TOM1L2: variants seen among roughly 807,000 people sequenced by gnomAD.
TOM1L2 encodes TOM1-like protein 2.
TOM1L2 carries 31 observed loss-of-function variants against 67.9 expected under a neutral mutation model. The observed-to-expected ratio is 0.46, with a 90% confidence interval of 0.34 to 0.62. The LOEUF (loss-of-function observed/expected upper bound fraction) is 0.62. TOM1L2 is among the 20% of genes least tolerant of loss of function. TOM1L2 has a pLI of 0.01. For missense variants in TOM1L2, 606 were observed against 663.5 expected, an observed-to-expected ratio of 0.91 and a Z score of 0.95; for synonymous variants, 256 against 254.0, an observed-to-expected ratio of 1.01 and a Z score of -0.07.
chr17:17,879,469 T>C (rs1464149942), intron 7 of TOM1L2, among the ~76,000 whole-genome samples, 158 bp downstream of exon 7: 2 of 152,138 alleles, frequency 1.3e-5, no homozygotes, highest in Non-Finnish European at 2.9e-5. Flanking sequence ...TGCCTGTCCG[T>C]AGGCAACGTG....
At chr17:17,866,797 T>G in intron 9 of TOM1L2, 79 bp downstream of exon 9, 1 of 1,350,782 alleles carries the variant, frequency 7.4e-7, no homozygotes, top group Non-Finnish European at 1.1e-6. Context: ...TTAGAAAAAC[T>G]GGAGGTCTCT....
chr17:17,964,818 C>T (rs562149653), intron 1 of TOM1L2, among the ~76,000 whole-genome samples: 10 of 152,312 alleles, frequency 6.6e-5, no homozygotes, highest in African/African-American at 2.4e-4. Context: ...TAGCCCACTC[C>T]TAAGCAGTGG....
At chr17:17,918,061 AT>A (rs1001718969) in intron 1 of TOM1L2, among the ~76,000 whole-genome samples, 1 of 151,944 alleles carries the variant, frequency 6.6e-6, no homozygotes, top group African/African-American at 2.4e-5. Context: ...TCGGTGCACA[AT>A]TTTTTGCTGC....
chr17:17,849,244 G>A (rs561017368), intron 13 of TOM1L2, among the ~76,000 whole-genome samples: 224 of 152,346 alleles, frequency 1.5e-3, no homozygotes, highest in Admixed American at 4.9e-3. Context: ...GGCTGAGCCT[G>A]AGCACACACA....
chr17:17,897,922 CT>C (rs35600233), intron 3 of TOM1L2, among the ~76,000 whole-genome samples: 235 of 133,620 alleles, frequency 1.8e-3, no homozygotes, highest in East Asian at 4.1e-3. Flanking sequence ...TGGAAGTTAA[CT>C]TTTTTTTTTT....
chr17:17,857,709 C>A, intron 12 of TOM1L2: 1 of 1,400,860 alleles, frequency 7.1e-7, no homozygotes, highest in Non-Finnish European at 9.8e-7. Context: ...AAGACATGAG[C>A]TGTTACACAG....
At chr17:17,847,886 T>A in intron 14 of TOM1L2, 103 bp from the exon 15 acceptor site, 1 of 1,513,194 alleles carries the variant, frequency 6.6e-7, no homozygotes, top group Non-Finnish European at 9.1e-7. Flanking sequence ...AGGGCAGGCA[T>A]GAAGCCCACC....
chr17:17,972,240 C>A (rs1215108426), intron 1 of TOM1L2, 22 bp downstream of exon 1: 1 of 1,549,174 alleles, frequency 6.5e-7, no homozygotes, highest in Admixed American at 2.0e-5. Flanking sequence ...TGCCCAGCCT[C>A]CTGCCCCACA....
chr17:17,872,012 G>A, intron 7 of TOM1L2: 3 of 985,458 alleles, frequency 3.0e-6, no homozygotes, highest in Non-Finnish European at 3.6e-6. Flanking sequence ...GCAGGAGAGG[G>A]GCTCTCAAAA....
chr17:17,965,176 C>T (rs1245300154), intron 1 of TOM1L2, among the ~76,000 whole-genome samples: 1 of 152,102 alleles, frequency 6.6e-6, no homozygotes, highest in Non-Finnish European at 1.5e-5. Flanking sequence ...AGAAATCTCC[C>T]TACCTCTGTA....
chr17:17,927,677 T>G (rs981308681), intron 1 of TOM1L2, among the ~76,000 whole-genome samples: 7 of 152,050 alleles, frequency 4.6e-5, no homozygotes, highest in African/African-American at 1.4e-4. Context: ...TTTTTTTTTT[T>G]TTTGAGACAG....
intron 2 of TOM1L2, among the ~76,000 whole-genome samples, chr17:17,904,184 A>G (rs992527629): frequency 7.9e-5 from 12 of 152,148 alleles, no homozygotes; most frequent in African/African-American, 2.7e-4. Flanking sequence ...AAACATTCTC[A>G]GGAATCACTG....
intron 1 of TOM1L2, among the ~76,000 whole-genome samples, chr17:17,963,243 C>A (rs2041759559): frequency 6.6e-6 from 1 of 152,118 alleles, no homozygotes; most frequent in Non-Finnish European, 1.5e-5. Context: ...ATGGGACTGA[C>A]TCCAATCTAG....
chr17:17,857,783 T>C (rs1349523643), intron 12 of TOM1L2: 2 of 1,535,678 alleles, frequency 1.3e-6, no homozygotes, highest in Admixed American at 2.0e-5. Context: ...CCTTGGGTTA[T>C]AAGCCAGCTG....
intron 2 of TOM1L2, among the ~76,000 whole-genome samples, chr17:17,905,085 A>G (rs2039030497): frequency 6.6e-6 from 1 of 152,202 alleles, no homozygotes; most frequent in African/African-American, 2.4e-5. Flanking sequence ...GAAGGTAGCC[A>G]CTCGGAGCCC....
intron 10 of TOM1L2, among the ~76,000 whole-genome samples, chr17:17,865,619 T>G (rs901245436): frequency 7.2e-5 from 11 of 151,924 alleles, no homozygotes; most frequent in African/African-American, 2.7e-4. Flanking sequence ...CCTCAAGTGA[T>G]CCACCCACCT....
rs1466834602 is a variant in TOM1L2 at position 17,942,830 on chromosome 17, C to T, written c.52+29432G>A. 2.0e-5 allele frequency among the ~76,000 whole-genome samples: 3 copies of T among 152,110 alleles called. No individual in the cohort carries two copies. The East Asian group carries it at 5.8e-4, about 29-fold the overall frequency. On this transcript the variant is annotated intron_variant, in intron 1 of 14. Coordinates refer to ENST00000379504, the MANE Select transcript of TOM1L2 (RefSeq NM_001082968.2). ...AGGAAAGGCTTTTGCCAGCTTTAGT[C>T]GCGACAGCCCTGGGATGGGCCATCA... is the stretch of plus-strand genomic sequence containing the variant.
chr17:17,879,699 T>C lies in TOM1L2; in HGVS notation c.705A>G (p.Thr235=). The change falls in exon 7 of 15, where the codon ACA becomes ACG. Residue 235 remains threonine, a synonymous_variant. Coordinates refer to ENST00000379504, the MANE Select transcript of TOM1L2 (RefSeq NM_001082968.2). ...CTGTTAACATCTCAGACATGACTTT[T>C]GTGTTTCCTCGAACGACGTCCAGTT... is the stretch of plus-strand genomic sequence containing the variant. ...RSELDVVRGN[T]KVMSEMLTEM... is the part of the protein sequence containing the mutation. The C allele has an allele frequency of 6.2e-7, 1 of 1,614,222 alleles. No individual in the cohort carries two copies.
intron 1 of TOM1L2, among the ~76,000 whole-genome samples, chr17:17,928,264 G>A (rs1177609546): frequency 6.6e-6 from 1 of 152,196 alleles, no homozygotes; most frequent in East Asian, 1.9e-4. Context: ...ATTCTGCAAA[G>A]ATGCATAATT....
Sources: gnomAD v4.1 joint callset for allele counts (sites outside exome capture counted in the v4.1 genomes callset) on GRCh38, gnomAD v4.1.1 for gene constraint, MANE v1.5 for transcripts, NCBI Gene and HGNC (gene_info 2026-07-23, HGNC 2026-07-21) for gene names.